The following ZNF777 variants were observed in gnomAD, a reference collection of about 807,000 sequenced individuals.
ZNF777 encodes the protein zinc finger protein 777.
In ZNF777, 7 loss-of-function variants were observed where a neutral mutation model predicts 72.1. The ratio of observed to expected loss-of-function variants is 0.10; its 90% CI spans 0.06 to 0.18. ZNF777 has a LOEUF of 0.18. ZNF777 is among the 10% of genes least tolerant of loss of function. The pLI is 1.00. For missense variants in ZNF777, 828 were observed against 1,128.6 expected, an observed-to-expected ratio of 0.73 and a Z score of 3.82; for synonymous variants, 545 against 483.5, an observed-to-expected ratio of 1.13 and a Z score of -1.67.
Position 149,436,906 on chromosome 7 carries a change from A to G in ZNF777, c.1088-80T>C, listed in dbSNP as rs1034848321. ...CAACTGCCCAGGTTTCTGCAGCCCT[A>G]CAATTTACATCTCAATAAGTCTTAT... is the stretch of plus-strand genomic sequence containing the variant. On this transcript the variant is annotated intron_variant, in intron 4 of 5. Coordinates refer to ENST00000247930, the MANE Select transcript of ZNF777 (RefSeq NM_015694.3). This position sits in a 1 kb window ranked among gnomAD's most constrained non-coding sequence, Gnocchi z 5.0. 1.1e-5 allele frequency: 17 copies of G among 1,504,472 alleles called. No homozygotes were observed. In the African/African-American group the frequency reaches 2.2e-4, roughly 20 times the overall value. The allele number at this position is 1,504,472 out of a possible 1,614,324, so 93.2% of individuals were successfully genotyped here.
rs766909377 is a variant in ZNF777, at chr7:149,455,206, G to A, written c.817C>T (p.Pro273Ser). 6.2e-7 allele frequency: 1 copy of A among 1,613,406 alleles called. No homozygotes were observed. Among genetic ancestry groups the A allele is most frequent in the Non-Finnish European group, 8.5e-7 (1 of 1,179,802 alleles). Residue 273 changes from proline (P) to serine (S), a missense_variant, in exon 2 of 6, where the codon CCC (proline) becomes TCC (serine). By Grantham distance (74) the Pro-to-Ser change is moderately conservative. Coordinates refer to ENST00000247930, the MANE Select transcript of ZNF777 (RefSeq NM_015694.3). This position sits in a 1 kb window ranked among gnomAD's most constrained non-coding sequence, Gnocchi z 4.2. ...GGAACTTCTCCATTGCTGCCGGGGG[G>A]CAGCCGCAGGATCCAGAAATTTCTG... is the stretch of plus-strand genomic sequence containing the variant. Reference protein sequence around the residue: ...KNRNFWILRLPPGSNGEVPKV... With the variant: ...KNRNFWILRLSPGSNGEVPKV...
chr7:149,445,285 T>C (rs1185284980), intron 4 of ZNF777, among the ~76,000 whole-genome samples: 1 of 152,234 alleles, frequency 6.6e-6, no homozygotes, highest in Non-Finnish European at 1.5e-5. Flanking sequence ...TATACATTTT[T>C]CCCTCTCTGC....
rs1799780492 is a variant in ZNF777 at position 149,454,331 on chromosome 7, C to A, written c.847-94G>T. 2.0e-6 allele frequency: 3 copies of A among 1,537,166 alleles called. No individual in the cohort carries two copies. In the Admixed American group the frequency reaches 5.4e-5, roughly 28 times the overall value. On this transcript the variant is annotated intron_variant, in intron 2 of 5. Transcript: ENST00000247930. The stretch of plus-strand genomic sequence containing the variant: ...CAAGGCCCAAACTCCTGGCTCTGGG[C>A]CTTCACCTAGGACTTTTCTAGAAGT...
Position 149,432,856 on chromosome 7 carries a change from C to T in ZNF777, c.1416G>A (p.Leu472=). ...TCCCGGACAGCTGCCCAAGGGATTG[C>T]AAGTGCTGCGGCAGCTCATCCTCCT... ...EEEEDELPQH[L]QSLGQLSGRY... is the part of the protein sequence containing the mutation. The change falls in exon 6 of 6, where the codon TTG becomes TTA. Residue 472 remains leucine, a synonymous_variant. Transcript: ENST00000247930. 3 of 1,576,884 alleles carry T rather than the reference C, an allele frequency of 1.9e-6. No homozygotes were observed. The highest frequency in any genetic ancestry group is 2.4e-5 in the South Asian group (2 of 85,100).
In ZNF777 at chr7:149,455,137, A is replaced by G. The variant is rs1287585148; in HGVS notation, c.846+40T>C. The G allele has an allele frequency of 3.2e-6, 5 of 1,575,016 alleles. No individual in the cohort carries two copies. The Admixed American group carries it at 9.3e-5, about 29-fold the overall frequency. On this transcript the variant is annotated intron_variant, in intron 2 of 5. Transcript: ENST00000247930. The surrounding 1 kb of genome is among the most constrained non-coding windows in gnomAD (Gnocchi z 4.2). Reference sequence around the variant, plus strand: ...ACATTCCTAAACCACACTCCAATTCAGATCACTTCCTTGGGAAGCCCCAGT... The same window carrying G: ...ACATTCCTAAACCACACTCCAATTCGGATCACTTCCTTGGGAAGCCCCAGT...
At position 149,460,947 on chromosome 7, in the gene ZNF777, C is replaced by T. The variant is rs993872462; in HGVS notation, c.-148G>A. On this transcript the variant is annotated 5_prime_UTR_variant, in exon 1 of 6. Coordinates refer to ENST00000247930, the MANE Select transcript of ZNF777 (RefSeq NM_015694.3). The surrounding 1 kb of genome is among the most constrained non-coding windows in gnomAD (Gnocchi z 6.1). The stretch of plus-strand genomic sequence containing the variant: ...CTTGATTGGCTCCGACAGCCTTCCT[C>T]CCGCCGATCCCCTGCGCCTCTCACA... The T allele has an allele frequency of 3.9e-5, 6 of 152,264 alleles. No homozygotes were observed. Among genetic ancestry groups the T allele is most frequent in the Admixed American group, 3.9e-4 (6 of 15,288 alleles). The allele number at this position is 152,264 out of a possible 1,614,324, so 9.4% of individuals were successfully genotyped here.
chr7:149,457,039 G>A (rs1008527752), intron 1 of ZNF777, among the ~76,000 whole-genome samples: 1 of 152,206 alleles, frequency 6.6e-6, no homozygotes. Flanking sequence ...AGGAAGTAGT[G>A]AGGCCTGGAA....
intron 4 of ZNF777, among the ~76,000 whole-genome samples, chr7:149,449,143 G>A (rs534910267): frequency 2.3e-4 from 35 of 152,326 alleles, no homozygotes; most frequent in Admixed American, 9.8e-4. Flanking sequence ...CTGCAATGGC[G>A]AGGCCGGGGC....
intron 1 of ZNF777, among the ~76,000 whole-genome samples, chr7:149,458,244 C>G (rs1799870212): frequency 6.6e-6 from 1 of 152,166 alleles, no homozygotes; most frequent in African/African-American, 2.4e-5. Context: ...CTCACAGACC[C>G]CTAAACCTGC....
At chr7:149,439,171 T>C (rs2116576861) in intron 4 of ZNF777, among the ~76,000 whole-genome samples, 1 of 152,126 alleles carries the variant, frequency 6.6e-6, no homozygotes, top group Admixed American at 6.5e-5. Context: ...TGCCCATTTC[T>C]TTCTCCCTGG....
At chr7:149,451,264 G>A (rs1799711484) in intron 3 of ZNF777, 152 bp from the exon 4 acceptor site, 1 of 679,868 alleles carries the variant, frequency 1.5e-6, no homozygotes, top group African/African-American at 1.8e-5. Context: ...TTTCCCAAGA[G>A]CCCACTGTGG....
At position 149,455,365 on chromosome 7, in the gene ZNF777, T is replaced by C; in HGVS notation, c.658A>G (p.Ile220Val). ...EGRTGTNEKK[I>V]ADCEKTAVEF... ...ACGGCTGTCTTCTCGCAGTCGGCTATCTTCTTTTCATTTGTCCCCGTCCTG... is the reference window on the plus strand; with the variant it reads ...ACGGCTGTCTTCTCGCAGTCGGCTACCTTCTTTTCATTTGTCCCCGTCCTG... The change falls in exon 2 of 6, where the codon ATA becomes GTA. Residue 220 changes from isoleucine (I) to valine (V), a missense_variant. Physicochemically the swap from Ile to Val is conservative, Grantham distance 29. Around this residue, in one of 12 missense-constraint regions of ZNF777, gnomAD observed 76 missense variants for 157.3 expected, o/e 0.48. Transcript: ENST00000247930. The surrounding 1 kb of genome is among the most constrained non-coding windows in gnomAD (Gnocchi z 4.2). 2 of 1,614,220 alleles carry C rather than the reference T, an allele frequency of 1.2e-6. No homozygotes were observed. The highest frequency in any genetic ancestry group is 1.7e-6 in the Non-Finnish European group (2 of 1,180,040).
In ZNF777 at chr7:149,455,047, GT is replaced by G; in HGVS notation, c.846+129del. 4 of 1,161,784 alleles carry G rather than the reference GT, an allele frequency of 3.4e-6. No individual in the cohort carries two copies. Among genetic ancestry groups the G allele is most frequent in the Non-Finnish European group, 4.9e-6 (4 of 821,486 alleles). 72.0% of individuals were successfully genotyped at this position (1,161,784 alleles called of 1,614,324 possible). A position where few individuals can be genotyped will look rare whatever the true frequency, so the allele number is the denominator to read the frequency against. ...AGGAGAAATAATTTGATTTTGGCAT[GT>G]CCTAGCAACTGGGATCACTGTATTT... On this transcript the variant is annotated intron_variant, in intron 2 of 5. Coordinates refer to ENST00000247930, the MANE Select transcript of ZNF777 (RefSeq NM_015694.3). The surrounding 1 kb of genome is among the most constrained non-coding windows in gnomAD (Gnocchi z 4.2).
At chr7:149,438,399 A>T (rs1402685613) in intron 4 of ZNF777, among the ~76,000 whole-genome samples, 2 of 152,234 alleles carry the variant, frequency 1.3e-5, no homozygotes, top group Non-Finnish European at 2.9e-5. Context: ...TAACAGAAGA[A>T]CATTCACGTT....
In ZNF777 at chr7:149,431,693, C is replaced by T. The variant is rs1247882114; in HGVS notation, c.*83G>A. 1 of 1,150,248 alleles carries T rather than the reference C, an allele frequency of 8.7e-7. No homozygotes were observed. The allele number at this position is 1,150,248 out of a possible 1,614,324, so 71.3% of individuals were successfully genotyped here. Reference sequence around the variant, plus strand: ...AAGGGGCTGGGGGGCGCCCCGCCCCCGCCCGCTGGGCTCGGGCCTGGCGGT... The same window carrying T: ...AAGGGGCTGGGGGGCGCCCCGCCCCTGCCCGCTGGGCTCGGGCCTGGCGGT... On this transcript the variant is annotated 3_prime_UTR_variant, in exon 6 of 6. Transcript: ENST00000247930.
At chr7:149,439,948 A>C (rs1799478984) in intron 4 of ZNF777, among the ~76,000 whole-genome samples, 1 of 152,242 alleles carries the variant, frequency 6.6e-6, no homozygotes, top group African/African-American at 2.4e-5. Context: ...TAGAATGTAC[A>C]GTTCAGAATC....
At chr7:149,438,821 C>T (rs752354117) in intron 4 of ZNF777, among the ~76,000 whole-genome samples, 7 of 152,050 alleles carry the variant, frequency 4.6e-5, no homozygotes, top group Admixed American at 3.3e-4. Flanking sequence ...TTCGGATGCG[C>T]GGCACTCCTT....
rs1192614313 is a variant in ZNF777, at chr7:149,451,033, A to G, written c.1053T>C (p.Ser351=). ...ERPTMQEQED[S]EEGETPTDPS... ...GATCTGTCGGCGTTTCGCCCTCCTCAGAGTCTTCCTGCTCCTGCATGGTGG... is the reference window on the plus strand; with the variant it reads ...GATCTGTCGGCGTTTCGCCCTCCTCGGAGTCTTCCTGCTCCTGCATGGTGG... The change falls in exon 4 of 6, where the codon TCT becomes TCC. Residue 351 remains serine (S), a synonymous_variant. Transcript: ENST00000247930. 1.9e-6 allele frequency: 3 copies of G among 1,613,818 alleles called. No homozygotes were observed. The highest frequency in any genetic ancestry group is 2.7e-5 in the African/African-American group (2 of 74,894).
intron 5 of ZNF777, 138 bp from the exon 6 acceptor site, chr7:149,433,070 C>T: frequency 7.5e-7 from 1 of 1,328,454 alleles, no homozygotes; most frequent in Non-Finnish European, 9.8e-7. Context: ...GGAAAAGTCC[C>T]CTCATTGCGT....
Sources: gnomAD v4.1 joint callset for allele counts (sites outside exome capture counted in the v4.1 genomes callset) on GRCh38, gnomAD v4.1.1 for gene constraint, gnomAD v4.1.1 regional missense constraint, Gnocchi (gnomAD v3.1) non-coding constraint, MANE v1.5 for transcripts, NCBI Gene and HGNC (gene_info 2026-07-23, HGNC 2026-07-21) for gene names.